Variants in MGAT5 observed in about 807,000 individuals in gnomAD.
MGAT5 encodes alpha-1,6-mannosylglycoprotein 6-beta-N-acetylglucosaminyltransferase A.
Under a neutral mutation model 94.3 loss-of-function variants are expected in MGAT5, and 30 were observed. That is an observed-to-expected ratio of 0.32 (90% CI 0.24 to 0.43). MGAT5 has a LOEUF of 0.43. MGAT5 is among the 20% of genes least tolerant of loss of function. The probability of loss-of-function intolerance (pLI) is 1.00; values close to 1 mark genes in which losing one functional copy is unlikely to be tolerated. For missense variants in MGAT5, 691 were observed against 905.5 expected, an observed-to-expected ratio of 0.76 and a Z score of 3.04; for synonymous variants, 310 against 322.9, an observed-to-expected ratio of 0.96 and a Z score of 0.43.
At chr2:134,282,991 GAA>G (rs35915258) in intron 2 of MGAT5, among the ~76,000 whole-genome samples, 14,311 of 138,258 alleles carry the variant, frequency 0.1, 812 homozygotes, top group South Asian at 0.26. Flanking sequence ...AACCAAAACC[GAA>G]AAAAAAAAAA....
chr2:134,329,102 G>A (rs1193925270), intron 4 of MGAT5, among the ~76,000 whole-genome samples: 1 of 151,980 alleles, frequency 6.6e-6, no homozygotes, highest in African/African-American at 2.4e-5. Flanking sequence ...TTTGTCTACG[G>A]TTAAAATGTA....
chr2:134,378,462 A>T (rs1681327849), intron 10 of MGAT5, among the ~76,000 whole-genome samples: 1 of 152,182 alleles, frequency 6.6e-6, no homozygotes, highest in Non-Finnish European at 1.5e-5. Flanking sequence ...AGTTAAGAGC[A>T]TGGGCTTTAG....
intron 4 of MGAT5, 62 bp downstream of exon 4, chr2:134,318,801 G>A: frequency 8.3e-7 from 1 of 1,205,288 alleles, no homozygotes. Context: ...CTGTAGCTGA[G>A]TCTGAAATTT....
At chr2:134,232,746 T>C (rs1247048587) in intron 1 of MGAT5, among the ~76,000 whole-genome samples, 1 of 152,152 alleles carries the variant, frequency 6.6e-6, no homozygotes, top group East Asian at 1.9e-4. Context: ...TAACCTGAGA[T>C]GTTAGATTAT....
At chr2:134,245,213 C>T (rs1178359134) in intron 1 of MGAT5, among the ~76,000 whole-genome samples, 2 of 152,122 alleles carry the variant, frequency 1.3e-5, no homozygotes, top group East Asian at 1.9e-4. Flanking sequence ...GGGGTTTCAC[C>T]GTGTTAGCCA....
chr2:134,409,000 C>T (rs545154914), intron 11 of MGAT5, among the ~76,000 whole-genome samples: 1 of 152,290 alleles, frequency 6.6e-6, no homozygotes, highest in African/African-American at 2.4e-5. Context: ...GAATATCCCT[C>T]CCCGTTTTTT....
chr2:134,183,503 A>G (rs901598188), intron 1 of MGAT5, among the ~76,000 whole-genome samples: 14 of 152,210 alleles, frequency 9.2e-5, no homozygotes, highest in Admixed American at 6.5e-4. Context: ...TTGCAGTGCA[A>G]TCTTACTACA....
At chr2:134,124,343 C>T (rs189098236) in intron 1 of MGAT5, among the ~76,000 whole-genome samples, 24 of 152,306 alleles carry the variant, frequency 1.6e-4, no homozygotes, top group South Asian at 4.1e-4. Context: ...GTGCATCCTT[C>T]CCTGACTTTG....
intron 2 of MGAT5, among the ~76,000 whole-genome samples, chr2:134,312,136 G>A (rs1196718656): frequency 6.6e-6 from 1 of 152,154 alleles, no homozygotes; most frequent in Non-Finnish European, 1.5e-5. Context: ...TGTAGTTCCA[G>A]CTACTTGGGA....
At chr2:134,171,333 T>C (rs755385396) in intron 1 of MGAT5, among the ~76,000 whole-genome samples, 4 of 152,178 alleles carry the variant, frequency 2.6e-5, no homozygotes, top group Non-Finnish European at 5.9e-5. Context: ...ATTGTGCATA[T>C]ATATTTGGGA....
intron 2 of MGAT5, among the ~76,000 whole-genome samples, chr2:134,280,579 C>T (rs1179975056): frequency 6.6e-6 from 1 of 152,234 alleles, no homozygotes; most frequent in Non-Finnish European, 1.5e-5. Flanking sequence ...CTTTCCTTTA[C>T]CTTGGTGCAG....
intron 2 of MGAT5, among the ~76,000 whole-genome samples, chr2:134,313,168 A>G (rs997803615): frequency 6.6e-6 from 1 of 151,810 alleles, no homozygotes; most frequent in African/African-American, 2.4e-5. Context: ...TTCCCTCTGT[A>G]CACGTCTCTC....
At chr2:134,341,282 A>T (rs1688617051) in intron 6 of MGAT5, among the ~76,000 whole-genome samples, 1 of 152,194 alleles carries the variant, frequency 6.6e-6, no homozygotes, top group South Asian at 2.1e-4. Flanking sequence ...AGTGTTAGAA[A>T]ATACTGTCCT....
chr2:134,382,783 G>A (rs1487107379), intron 10 of MGAT5, among the ~76,000 whole-genome samples: 1 of 152,186 alleles, frequency 6.6e-6, no homozygotes, highest in Non-Finnish European at 1.5e-5. Context: ...GAACATTGGG[G>A]CGGCCAGACT....
chr2:134,164,849 A>AAC (rs1206703281), intron 1 of MGAT5, among the ~76,000 whole-genome samples: 6 of 151,884 alleles, frequency 4.0e-5, no homozygotes, highest in Non-Finnish European at 8.8e-5. Flanking sequence ...CAAAAAAAAA[A>AAC]AACCAAACCA....
chr2:134,298,954 A>G (rs1320928792), intron 2 of MGAT5, among the ~76,000 whole-genome samples: 1 of 152,216 alleles, frequency 6.6e-6, no homozygotes, highest in Non-Finnish European at 1.5e-5. Flanking sequence ...CATTTAGAAG[A>G]TAAGAATTCT....
chr2:134,337,780 C>G (rs1442698856), intron 5 of MGAT5, among the ~76,000 whole-genome samples: 1 of 152,090 alleles, frequency 6.6e-6, no homozygotes, highest in Non-Finnish European at 1.5e-5. Context: ...TGGGACAAAA[C>G]CAGAAGATGA....
chr2:134,145,214 C>CTCTCTGTGTGTGTGTGTGTG lies in MGAT5; in HGVS notation c.-143+24924_-143+24925insCTCTGTGTGTGTGTGTGTGT, dbSNP rs373377770. Among the ~76,000 whole-genome samples, 144 of 143,870 alleles carry CTCTCTGTGTGTGTGTGTGTG rather than the reference C, an allele frequency of 1.0e-3. No homozygotes were observed. The East Asian group carries it at 0.015, about 15-fold the overall frequency. 94.4% of individuals were successfully genotyped at this position (143,870 alleles called of 152,430 possible). The stretch of plus-strand genomic sequence containing the variant: ...GTAAGGTGTGTGTGTGTCTCTCTCT[C>CTCTCTGTGTGTGTGTGTGTG]TGTGTGTGTGTGTGTGTGTGTGTGT... On this transcript the variant is annotated intron_variant, in intron 1 of 16. Coordinates refer to the MGAT5 transcript ENST00000409645.
At chr2:134,145,264 G>A (rs969014786) in intron 1 of MGAT5, among the ~76,000 whole-genome samples, 4 of 147,866 alleles carry the variant, frequency 2.7e-5, no homozygotes, top group Admixed American at 6.7e-5. Context: ...CCTGGAATGC[G>A]GGCTGGGCGC....
Sources: allele counts gnomAD v4.1 joint callset (sites outside exome capture counted in the v4.1 genomes callset), GRCh38; gene constraint gnomAD v4.1.1; transcripts MANE v1.5; gene names NCBI Gene and HGNC (gene_info 2026-07-23, HGNC 2026-07-21).